KLHL29: variants seen among roughly 807,000 people sequenced by gnomAD.
KLHL29 encodes the protein kelch-like protein 29.
KLHL29 carries 21 observed loss-of-function variants against 80.4 expected under a neutral mutation model. The ratio of observed to expected loss-of-function variants is 0.26; its 90% CI spans 0.19 to 0.38. The LOEUF is 0.38. Among genes scored for constraint, KLHL29 ranks in the 10% least tolerant of loss-of-function variants. The pLI is 1.00. For missense variants in KLHL29, 867 were observed against 1,223.9 expected, an observed-to-expected ratio of 0.71 and a Z score of 4.35; for synonymous variants, 511 against 526.8, an observed-to-expected ratio of 0.97 and a Z score of 0.41.
intron 2 of KLHL29, among the ~76,000 whole-genome samples, chr2:23,557,543 T>A (rs913520104): frequency 6.6e-6 from 1 of 150,978 alleles, no homozygotes; most frequent in Admixed American, 6.6e-5. Flanking sequence ...GGGACGGGAG[T>A]GGTGGGAGGT....
chr2:23,624,551 C>G (rs956305154), intron 3 of KLHL29, among the ~76,000 whole-genome samples: 28 of 152,172 alleles, frequency 1.8e-4, no homozygotes, highest in African/African-American at 6.8e-4. Context: ...TTCAGACCAC[C>G]CGCCACCAGA....
At chr2:23,434,263 G>A (rs1223943610) in intron 1 of KLHL29, among the ~76,000 whole-genome samples, 1 of 142,882 alleles carries the variant, frequency 7.0e-6, no homozygotes, top group Non-Finnish European at 1.5e-5. Flanking sequence ...GGAGCTTGCA[G>A]TGAGCCGAGA....
chr2:23,648,402 G>A (rs1056252552), intron 5 of KLHL29, among the ~76,000 whole-genome samples: 2 of 151,990 alleles, frequency 1.3e-5, no homozygotes, highest in Admixed American at 6.5e-5. Context: ...TTCAGTGTCC[G>A]TGGCCTTTTA....
At chr2:23,530,148 C>G (rs1666448353) in intron 2 of KLHL29, among the ~76,000 whole-genome samples, 1 of 152,192 alleles carries the variant, frequency 6.6e-6, no homozygotes, top group South Asian at 2.1e-4. Flanking sequence ...GCCAAAGAGG[C>G]AGGGCTGGCT....
At chr2:23,564,255 T>C (rs1027626727) in intron 3 of KLHL29, among the ~76,000 whole-genome samples, 1 of 152,178 alleles carries the variant, frequency 6.6e-6, no homozygotes, top group Non-Finnish European at 1.5e-5. Flanking sequence ...CCCGCTTTGC[T>C]CCAGAGTGGC....
chr2:23,419,572 T>G (rs556406230), intron 1 of KLHL29, among the ~76,000 whole-genome samples: 1 of 152,354 alleles, frequency 6.6e-6, no homozygotes, highest in South Asian at 2.1e-4. Context: ...CCAGGGCATC[T>G]TCTCAATTTC....
At chr2:23,488,107 A>G (rs1004263995) in intron 2 of KLHL29, among the ~76,000 whole-genome samples, 3 of 152,170 alleles carry the variant, frequency 2.0e-5, no homozygotes, top group African/African-American at 7.2e-5. Flanking sequence ...ATCTCCTTTG[A>G]ACAGAATTGC....
intron 2 of KLHL29, among the ~76,000 whole-genome samples, chr2:23,520,087 A>G (rs1373384823): frequency 2.6e-5 from 4 of 152,196 alleles, no homozygotes; most frequent in Admixed American, 6.5e-5. Context: ...CACCCAGGAG[A>G]GAAGCCAGGT....
At chr2:23,437,043 A>G (rs1663364534) in intron 1 of KLHL29, among the ~76,000 whole-genome samples, 1 of 152,126 alleles carries the variant, frequency 6.6e-6, no homozygotes, top group African/African-American at 2.4e-5. Context: ...CAAGATCCAG[A>G]CTCTCTGATA....
At chr2:23,440,107 T>G (rs1014050334) in intron 1 of KLHL29, among the ~76,000 whole-genome samples, 1 of 152,146 alleles carries the variant, frequency 6.6e-6, no homozygotes, top group South Asian at 2.1e-4. Flanking sequence ...GTTTAAAGTC[T>G]GTTTTATCAG....
chr2:23,506,579 T>G (rs1665605243), intron 2 of KLHL29, among the ~76,000 whole-genome samples: 1 of 152,224 alleles, frequency 6.6e-6, no homozygotes, highest in East Asian at 1.9e-4. Flanking sequence ...AGTGGGGTAC[T>G]CAAGGCTGTT....
chr2:23,485,490 G>T (rs1192758377), intron 2 of KLHL29, among the ~76,000 whole-genome samples: 1 of 152,178 alleles, frequency 6.6e-6, no homozygotes, highest in Non-Finnish European at 1.5e-5. Flanking sequence ...TGGGGACATG[G>T]TGCACCCAGC....
intron 2 of KLHL29, among the ~76,000 whole-genome samples, chr2:23,489,225 C>T (rs1160944735): frequency 6.6e-6 from 1 of 152,124 alleles, no homozygotes; most frequent in African/African-American, 2.4e-5. Flanking sequence ...TCCTGTTCCC[C>T]AGCGGGGTGC....
At chr2:23,515,832 C>G (rs1709299) in intron 2 of KLHL29, among the ~76,000 whole-genome samples, 67,820 of 152,002 alleles carry the variant, frequency 0.45, 15,870 homozygotes, top group Middle Eastern at 0.53. Context: ...TGCAGCCCTC[C>G]ACGGCATCTG....
intron 1 of KLHL29, among the ~76,000 whole-genome samples, chr2:23,386,904 C>A (rs527877935): frequency 6.6e-6 from 1 of 152,034 alleles, no homozygotes; most frequent in South Asian, 2.1e-4. Flanking sequence ...GTGGCGGCCA[C>A]GCGCGAGTCT....
chr2:23,564,845 G>A (rs1667550653), intron 3 of KLHL29, among the ~76,000 whole-genome samples: 1 of 152,206 alleles, frequency 6.6e-6, no homozygotes, highest in African/African-American at 2.4e-5. Flanking sequence ...AGTGTGACCA[G>A]ATGACCCAAG....
chr2:23,539,877 C>T (rs1290441696), intron 2 of KLHL29, among the ~76,000 whole-genome samples: 1 of 152,320 alleles, frequency 6.6e-6, no homozygotes, highest in East Asian at 1.9e-4. Context: ...ATCCCCTAAA[C>T]TCCAGTGACT....
intron 3 of KLHL29, among the ~76,000 whole-genome samples, chr2:23,598,256 A>AT (rs147179740): frequency 0.012 from 1,859 of 152,262 alleles, 17 homozygotes; most frequent in African/African-American, 0.018. Flanking sequence ...CCATTTTAAG[A>AT]TAAAAAAAAA....
chr2:23,692,582 G>C (rs1237978309), intron 7 of KLHL29, among the ~76,000 whole-genome samples: 1 of 152,218 alleles, frequency 6.6e-6, no homozygotes, highest in East Asian at 1.9e-4. Context: ...CGAGGTGCCA[G>C]GAACCACGAT....
Sources: allele counts gnomAD v4.1 joint callset (sites outside exome capture counted in the v4.1 genomes callset), GRCh38; gene constraint gnomAD v4.1.1; transcripts MANE v1.5; gene names NCBI Gene and HGNC (gene_info 2026-07-23, HGNC 2026-07-21).